The following EPC2 variants were observed in gnomAD, a reference collection of about 807,000 sequenced individuals.
The protein encoded by EPC2 is enhancer of polycomb 2, also known as enhancer of polycomb homolog 2.
EPC2 carries 14 observed loss-of-function variants against 92.1 expected under a neutral mutation model. The ratio of observed to expected loss-of-function variants is 0.15; its 90% CI spans 0.10 to 0.24. The LOEUF (loss-of-function observed/expected upper bound fraction) is 0.24. Among genes scored for constraint, EPC2 ranks in the 10% least tolerant of loss-of-function variants. The probability of loss-of-function intolerance (pLI) is 1.00; values close to 1 mark genes in which losing one functional copy is unlikely to be tolerated. For missense variants in EPC2, 755 were observed against 971.5 expected (o/e 0.78, Z 2.96); for synonymous variants, 340 against 334.7 (o/e 1.02, Z -0.17).
At chr2:148,657,534 T>G (rs1680827692) in intron 1 of EPC2, among the ~76,000 whole-genome samples, 1 of 152,076 alleles carries the variant, frequency 6.6e-6, no homozygotes, top group Non-Finnish European at 1.5e-5. Context: ...GAATTTGCAT[T>G]TTTAAGAAGT....
At chr2:148,760,511 C>G (rs1438492051) in intron 4 of EPC2, among the ~76,000 whole-genome samples, 1 of 152,152 alleles carries the variant, frequency 6.6e-6, no homozygotes, top group Non-Finnish European at 1.5e-5. Context: ...CAATACCCTG[C>G]ACAGTGTAGG....
chr2:148,738,830 A>G (rs993108205), intron 2 of EPC2, among the ~76,000 whole-genome samples: 3 of 152,218 alleles, frequency 2.0e-5, no homozygotes, highest in Non-Finnish European at 2.9e-5. Context: ...TATTACTAAT[A>G]AAAGTGGTGT....
chr2:148,693,264 G>C (rs971715997), intron 2 of EPC2, among the ~76,000 whole-genome samples: 1 of 151,904 alleles, frequency 6.6e-6, no homozygotes, highest in Admixed American at 6.6e-5. Context: ...CACTTGGCTA[G>C]AAAAAAAACA....
intron 2 of EPC2, among the ~76,000 whole-genome samples, chr2:148,732,100 T>C (rs1682643463): frequency 6.6e-6 from 1 of 152,214 alleles, no homozygotes; most frequent in Non-Finnish European, 1.5e-5. Context: ...GTCCAGGCTC[T>C]CTTATGGTTT....
Position 148,786,952 on chromosome 2 carries a change from T to G in EPC2, c.*575T>G, listed in dbSNP as rs536438443. The G allele has an allele frequency of 6.5e-6, 1 of 152,946 alleles. No individual in the cohort carries two copies. The highest frequency in any genetic ancestry group is 1.9e-4 in the East Asian group (1 of 5,196). 9.5% of individuals were successfully genotyped at this position (152,946 alleles called of 1,614,324 possible). A position where few individuals can be genotyped will look rare whatever the true frequency, so the allele number is the denominator to read the frequency against. On this transcript the variant is annotated 3_prime_UTR_variant, in exon 14 of 14. Transcript: ENST00000258484. ...TATGAAGTTCAAGGCAAAATAGTAT[T>G]TTCTATTACTGTGCAGGGGAAAGGG...
rs1379015773 is a variant in EPC2, at chr2:148,775,673, A to AAATTTAATTTAATTAAATAAAATTT, written c.1720+4310_1720+4311insTAATTTAATTTAATTAAATAAAATT. ...TCTTTAAATAAAATTAAATAAAATT[A>AAATTTAATTTAATTAAATAAAATTT]AATTTAATTTAATTAAATAAAATTA... On this transcript the variant is annotated intron_variant, in intron 10 of 13. Transcript: ENST00000258484. Among the ~76,000 whole-genome samples the AAATTTAATTTAATTAAATAAAATTT allele has an allele frequency of 1.6e-4, 23 of 147,662 alleles. No individual in the cohort carries two copies. In the South Asian group the frequency reaches 3.8e-3, roughly 24 times the overall value.
At chr2:148,670,860 AT>A (rs1681140791) in intron 1 of EPC2, among the ~76,000 whole-genome samples, 1 of 151,702 alleles carries the variant, frequency 6.6e-6, no homozygotes, top group South Asian at 2.1e-4. Context: ...ATTTTTGTTT[AT>A]TTTTTGTGGA....
chr2:148,691,516 G>C (rs1298005569), intron 2 of EPC2: 4 of 1,549,832 alleles, frequency 2.6e-6, no homozygotes, highest in Non-Finnish European at 3.5e-6. Flanking sequence ...CATTGATTCT[G>C]AGATGCACTG....
At chr2:148,738,243 TAG>T (rs370720969) in intron 2 of EPC2, among the ~76,000 whole-genome samples, 21 of 152,278 alleles carry the variant, frequency 1.4e-4, no homozygotes, top group African/African-American at 4.8e-4. Context: ...ACATTTCTGT[TAG>T]AGGAAATTTG....
intron 2 of EPC2, among the ~76,000 whole-genome samples, chr2:148,723,552 C>G (rs572775920): frequency 6.6e-6 from 1 of 152,246 alleles, no homozygotes; most frequent in Admixed American, 6.5e-5. Flanking sequence ...GTTTTGGGTG[C>G]GATGCTTTTG....
chr2:148,659,095 AT>A (rs1229218761), intron 1 of EPC2, among the ~76,000 whole-genome samples: 2 of 152,100 alleles, frequency 1.3e-5, no homozygotes, highest in Non-Finnish European at 2.9e-5. Flanking sequence ...TTTTCAGCAA[AT>A]TTATGGCAGA....
rs1323790644 is a variant in EPC2, at chr2:148,771,283, A to G, written c.1616A>G (p.Asp539Gly). 2 of 1,614,002 alleles carry G rather than the reference A, an allele frequency of 1.2e-6. No homozygotes were observed. Among genetic ancestry groups the G allele is most frequent in the South Asian group, 1.1e-5 (1 of 91,080 alleles). ...AGGCTACTAAATTTACAGGACAGTG[A>G]TAGTGAAGAATGTACCTCAAGAAAA... ...QPRLLNLQDSDSEECTSRKPG... is the reference protein window; with the variant it reads ...QPRLLNLQDSGSEECTSRKPG... Residue 539 changes from aspartate (D) to glycine (G), a missense_variant, in exon 10 of 14, where the codon GAT becomes GGT. Asp to Gly is a moderately conservative substitution (Grantham distance 94). Transcript: ENST00000258484.
chr2:148,732,849 T>A (rs1172437767), intron 2 of EPC2, among the ~76,000 whole-genome samples: 1 of 152,032 alleles, frequency 6.6e-6, no homozygotes, highest in African/African-American at 2.4e-5. Context: ...AGGATTTTTT[T>A]AGGAATATCT....
chr2:148,761,699 A>G, intron 4 of EPC2, 83 bp from the exon 5 acceptor site: 2 of 914,840 alleles, frequency 2.2e-6, no homozygotes, highest in Non-Finnish European at 3.1e-6. Flanking sequence ...GGATAAATTC[A>G]GGTCTGATAA....
rs762186350 is a variant in EPC2 at position 148,784,739 on chromosome 2, G to A, written c.2089G>A (p.Val697Ile). 8 of 1,613,866 alleles carry A rather than the reference G, an allele frequency of 5.0e-6. No individual in the cohort carries two copies. The highest frequency in any genetic ancestry group is 6.8e-6 in the Non-Finnish European group (8 of 1,179,880). ...SSPGISAVQL[V>I]RTVGHTTTNH... The stretch of plus-strand genomic sequence containing the variant: ...CCCAGGGATTTCAGCTGTACAGCTT[G>A]TAAGGACAGTTGGCCACACCACTAC... The change falls in exon 13 of 14, where the codon GTA (valine) becomes ATA (isoleucine). Residue 697 changes from valine to isoleucine, a missense_variant. Val to Ile is a conservative substitution (Grantham distance 29, BLOSUM62 3). Coordinates refer to ENST00000258484, the MANE Select transcript of EPC2 (RefSeq NM_015630.4).
intron 2 of EPC2, among the ~76,000 whole-genome samples, chr2:148,731,155 A>G (rs1370085602): frequency 6.6e-6 from 1 of 152,222 alleles, no homozygotes; most frequent in Non-Finnish European, 1.5e-5. Context: ...CTTGAGGTAC[A>G]GTCAGTGTTG....
chr2:148,712,458 AT>A (rs1682166877), intron 2 of EPC2, among the ~76,000 whole-genome samples: 1 of 152,224 alleles, frequency 6.6e-6, no homozygotes, highest in Non-Finnish European at 1.5e-5. Flanking sequence ...GTTTTGATCA[AT>A]GATGAACCAC....
chr2:148,722,118 C>T (rs115148676), intron 2 of EPC2, among the ~76,000 whole-genome samples: 3,916 of 152,126 alleles, frequency 0.026, 54 homozygotes, highest in East Asian at 0.032. Context: ...GTAAAGGGAA[C>T]TGCAGAAATA....
intron 2 of EPC2, among the ~76,000 whole-genome samples, chr2:148,726,742 G>GTT (rs1196049437): frequency 3.1e-5 from 3 of 98,296 alleles, no homozygotes; most frequent in Non-Finnish European, 4.5e-5. Flanking sequence ...TTGCTTTTGG[G>GTT]TTTTTTTTTT....
Sources: allele counts gnomAD v4.1 joint callset (sites outside exome capture counted in the v4.1 genomes callset), GRCh38; gene constraint gnomAD v4.1.1; transcripts MANE v1.5; gene names NCBI Gene and HGNC (gene_info 2026-07-23, HGNC 2026-07-21).